The following DNAH6 variants were observed in gnomAD, a reference collection of about 807,000 sequenced individuals.
DNAH6 encodes the protein dynein axonemal heavy chain 6.
In DNAH6, 340 loss-of-function variants were observed where a neutral mutation model predicts 491.4. The ratio of observed to expected loss-of-function variants is 0.69; its 90% CI spans 0.63 to 0.76. The LOEUF is 0.76. DNAH6 is among the 30% of genes least tolerant of loss of function. DNAH6 has a pLI of 0.00. For missense variants in DNAH6, 4,443 were observed against 4,972.2 expected (o/e 0.89, Z 3.20); for synonymous variants, 1,603 against 1,686.1 (o/e 0.95, Z 1.21).
intron 64 of DNAH6, among the ~76,000 whole-genome samples, chr2:84,773,242 T>G (rs1675807410): frequency 6.6e-6 from 1 of 152,022 alleles, no homozygotes. Flanking sequence ...TAGTCTCCAG[T>G]GTCCATTTTT....
the DNAH6 span, among the ~76,000 whole-genome samples, chr2:84,471,972 C>T: frequency 6.6e-6 from 1 of 152,112 alleles, no homozygotes; most frequent in Non-Finnish European, 1.5e-5. Context: ...CTCATGGTCA[C>T]CTGGAGAGAC....
At chr2:84,499,182 C>CT in the DNAH6 span, among the ~76,000 whole-genome samples, 1 of 152,138 alleles carries the variant, frequency 6.6e-6, no homozygotes, top group Non-Finnish European at 1.5e-5. Flanking sequence ...CCCACCTCCC[C>CT]ACAAACCCCC....
intron 13 of DNAH6, 134 bp from the exon 14 acceptor site, chr2:84,579,392 GA>G (rs1261202567): frequency 5.2e-5 from 49 of 940,710 alleles, no homozygotes; most frequent in Non-Finnish European, 7.0e-5. Flanking sequence ...GATTTAAAGA[GA>G]AAAAAAGTCT....
intron 54 of DNAH6, among the ~76,000 whole-genome samples, chr2:84,707,922 C>T (rs1287779434): frequency 6.6e-6 from 1 of 152,316 alleles, no homozygotes; most frequent in Non-Finnish European, 1.5e-5. Flanking sequence ...TCCTCCCTTT[C>T]CTTCTCCTGT....
intron 37 of DNAH6, 106 bp from the exon 38 acceptor site, chr2:84,669,183 C>A: frequency 3.6e-6 from 3 of 823,904 alleles, no homozygotes; most frequent in Non-Finnish European, 5.9e-6. Context: ...AAATCCAAAT[C>A]CAGTTAGGTT....
chr2:84,685,598 T>C, intron 43 of DNAH6, 126 bp downstream of exon 43: 1 of 452,672 alleles, frequency 2.2e-6, no homozygotes, highest in Non-Finnish European at 3.8e-6. Context: ...TCTTTGATGG[T>C]TCAAATATAT....
At chr2:84,552,844 G>A (rs1342049995) in intron 9 of DNAH6, 74 bp from the exon 10 acceptor site, 8 of 744,408 alleles carry the variant, frequency 1.1e-5, no homozygotes, top group African/African-American at 1.8e-5. Flanking sequence ...CAGTTTACAT[G>A]TCCCTTGTTT....
chr2:84,709,623 G>A, intron 55 of DNAH6, 77 bp downstream of exon 55: 1 of 1,456,428 alleles, frequency 6.9e-7, no homozygotes, highest in Non-Finnish European at 9.4e-7. Context: ...TATAAAAGTG[G>A]GCCTCAATGT....
At chr2:84,482,753 T>G in the DNAH6 span, among the ~76,000 whole-genome samples, 2 of 152,190 alleles carry the variant, frequency 1.3e-5, no homozygotes, top group Non-Finnish European at 2.9e-5. Context: ...TTTGGTCAAC[T>G]CGTTCTTATT....
intron 37 of DNAH6, among the ~76,000 whole-genome samples, chr2:84,660,409 A>G (rs1053802436): frequency 2.0e-5 from 3 of 152,316 alleles, no homozygotes; most frequent in African/African-American, 4.8e-5. Context: ...ATGCATGACT[A>G]TGTAAATAAG....
chr2:84,529,503 C>T (rs1244455093), intron 4 of DNAH6, among the ~76,000 whole-genome samples: 3 of 151,850 alleles, frequency 2.0e-5, no homozygotes, highest in African/African-American at 4.8e-5. Flanking sequence ...AGATGATGCA[C>T]GATTTGTTTT....
chr2:84,581,504 A>G (rs948467877), intron 14 of DNAH6, among the ~76,000 whole-genome samples: 3 of 152,234 alleles, frequency 2.0e-5, no homozygotes, highest in African/African-American at 7.2e-5. Context: ...ATACTGTTGT[A>G]ACACTGGGAA....
At chr2:84,518,908 G>C (rs532069187) in intron 2 of DNAH6, among the ~76,000 whole-genome samples, 4 of 152,074 alleles carry the variant, frequency 2.6e-5, no homozygotes, top group Non-Finnish European at 4.4e-5. Flanking sequence ...TAAGCCAAAC[G>C]CATGGGCTCA....
In DNAH6 at chr2:84,624,956, C is replaced by G. The variant is rs1353819552; in HGVS notation, c.4408C>G (p.Pro1470Ala). The G allele has an allele frequency of 6.4e-7, 1 of 1,551,656 alleles. No homozygotes were observed. The highest frequency in any genetic ancestry group is 1.2e-5 in the South Asian group (1 of 84,034). The change falls in exon 29 of 77, where the codon CCA (proline) becomes GCA (alanine). Residue 1470 changes from proline (P) to alanine (A), a missense_variant. Around this residue, in one of 3 missense-constraint regions of DNAH6, gnomAD observed 2,977 missense variants for 3,296.6 expected, o/e 0.90. Transcript: ENST00000389394. ...GALQLDLGGA[P>A]AGPAGTGKTE... Reference sequence around the variant, plus strand: ...TTTGCAGCTTGACCTTGGGGGTGCACCAGCTGGTCCTGCTGGCACTGGGAA... The same window carrying G: ...TTTGCAGCTTGACCTTGGGGGTGCAGCAGCTGGTCCTGCTGGCACTGGGAA...
intron 70 of DNAH6, among the ~76,000 whole-genome samples, chr2:84,803,081 TA>T (rs1679080208): frequency 6.6e-6 from 1 of 152,136 alleles, no homozygotes; most frequent in Admixed American, 6.5e-5. Context: ...GGAAAGTGTA[TA>T]AAGCTAACTG....
the DNAH6 span, among the ~76,000 whole-genome samples, chr2:84,500,285 G>C: frequency 2.0e-5 from 3 of 152,166 alleles, no homozygotes; most frequent in African/African-American, 7.2e-5. Flanking sequence ...TTATTGAAGA[G>C]ATTGTCTTTC....
chr2:84,532,783 CA>C (rs1487032408), intron 4 of DNAH6, among the ~76,000 whole-genome samples: 1 of 151,954 alleles, frequency 6.6e-6, no homozygotes, highest in African/African-American at 2.4e-5. Flanking sequence ...CTTCTTATAG[CA>C]AAAAACTTTT....
intron 35 of DNAH6, among the ~76,000 whole-genome samples, chr2:84,656,959 G>C (rs76975770): frequency 0.015 from 2,270 of 152,050 alleles, 26 homozygotes; most frequent in Non-Finnish European, 0.024. Context: ...TCTAAAAACT[G>C]TATATTTTTT....
intron 11 of DNAH6, among the ~76,000 whole-genome samples, chr2:84,570,775 C>CG (rs940086243): frequency 5.9e-5 from 9 of 152,300 alleles, no homozygotes; most frequent in African/African-American, 2.2e-4. Context: ...GCAACCCACT[C>CG]GGGTCCCCTT....
Sources: allele counts gnomAD v4.1 joint callset (sites outside exome capture counted in the v4.1 genomes callset), GRCh38; gene constraint gnomAD v4.1.1; regional missense constraint gnomAD v4.1.1; transcripts MANE v1.5; gene names NCBI Gene and HGNC (gene_info 2026-07-23, HGNC 2026-07-21).